Variants in RSF1 observed in about 807,000 individuals in gnomAD.
RSF1 encodes the protein HBV pX-associated protein 8.
Under a neutral mutation model 145.2 loss-of-function variants are expected in RSF1, and 13 were observed. The ratio of observed to expected loss-of-function variants is 0.09; its 90% confidence interval spans 0.06 to 0.14. The LOEUF is 0.14. Ranked by LOEUF, RSF1 falls within the 10% of genes least tolerant of loss-of-function variation. The pLI is 1.00. For synonymous variants in RSF1, 577 were observed against 592.6 expected, an observed-to-expected ratio of 0.97 and a Z score of 0.38; for missense variants, 1,517 against 1,718.2, an observed-to-expected ratio of 0.88 and a Z score of 2.07.
chr11:77,730,673 A>G (rs186798851), intron 4 of RSF1, among the ~76,000 whole-genome samples: 1 of 152,198 alleles, frequency 6.6e-6, no homozygotes, highest in Non-Finnish European at 1.5e-5. Context: ...GGAGGAACCC[A>G]GTGGGAGGTG....
intron 2 of RSF1, among the ~76,000 whole-genome samples, chr11:77,753,372 T>C (rs1226651237): frequency 1.3e-5 from 2 of 152,196 alleles, no homozygotes; most frequent in African/African-American, 4.8e-5. Context: ...GCTTAAACTT[T>C]GGGAGACATT....
At chr11:77,767,684 A>C (rs890610168) in intron 1 of RSF1, among the ~76,000 whole-genome samples, 1 of 152,176 alleles carries the variant, frequency 6.6e-6, no homozygotes, top group Non-Finnish European at 1.5e-5. Flanking sequence ...ACAAGTCCCG[A>C]AAGTCTCCGT....
At chr11:77,710,903 C>T (rs757513743) in intron 5 of RSF1, among the ~76,000 whole-genome samples, 7 of 152,106 alleles carry the variant, frequency 4.6e-5, no homozygotes, top group Non-Finnish European at 1.0e-4. Flanking sequence ...TTGATAACTT[C>T]CTTACTACCT....
intron 14 of RSF1, among the ~76,000 whole-genome samples, chr11:77,673,382 C>T (rs1959606654): frequency 6.6e-6 from 1 of 152,172 alleles, no homozygotes; most frequent in Admixed American, 6.5e-5. Flanking sequence ...TGTTAAATTC[C>T]ACCGAAGTAC....
chr11:77,675,383 TG>T (rs1031234124), intron 13 of RSF1, 127 bp from the exon 14 acceptor site: 1 of 666,656 alleles, frequency 1.5e-6, no homozygotes, highest in African/African-American at 1.8e-5. Flanking sequence ...TCTGGATAAT[TG>T]TATCAAATGC....
At chr11:77,794,615 G>A (rs1948553846) in intron 1 of RSF1, among the ~76,000 whole-genome samples, 1 of 151,946 alleles carries the variant, frequency 6.6e-6, no homozygotes, top group African/African-American at 2.4e-5. Flanking sequence ...GAAGTAAGAT[G>A]GAGGTCAAAA....
At chr11:77,793,539 A>T (rs1948541929) in intron 1 of RSF1, among the ~76,000 whole-genome samples, 1 of 152,216 alleles carries the variant, frequency 6.6e-6, no homozygotes, top group Non-Finnish European at 1.5e-5. Context: ...TAGAAAAAAC[A>T]CTTCACCAGT....
chr11:77,835,122 C>G, the RSF1 span, among the ~76,000 whole-genome samples: 7 of 152,292 alleles, frequency 4.6e-5, no homozygotes, highest in South Asian at 6.2e-4. Flanking sequence ...ATAGATCTAG[C>G]ATTGTTTGCA....
intron 9 of RSF1, 55 bp from the exon 10 acceptor site, chr11:77,685,214 T>A (rs1012220896): frequency 9.6e-7 from 1 of 1,046,612 alleles, no homozygotes; most frequent in African/African-American, 1.6e-5. Flanking sequence ...AAAACTGTTA[T>A]GTAAACATCA....
chr11:77,702,051 T>A lies in RSF1; in HGVS notation c.1178A>T (p.Asp393Val). ...TCCCTTGACTGGACTGTCAAAATCA[T>A]CACTCAGTTTAATTTCTCGTTTTTT... is the stretch of plus-strand genomic sequence containing the variant. ...PLKKREIKLS[D>V]DFDSPVKGPL... Residue 393 changes from aspartate to valine, a missense_variant, in exon 6 of 16, where the codon GAT (aspartate) becomes GTT (valine). Transcript: ENST00000308488. 1 of 1,613,330 alleles carries A rather than the reference T, an allele frequency of 6.2e-7. No homozygotes were observed. Among genetic ancestry groups the A allele is most frequent in the Non-Finnish European group, 8.5e-7 (1 of 1,179,836 alleles).
At position 77,818,180 on chromosome 11, in the gene RSF1, G is replaced by C. The variant is rs117197248; in HGVS notation, c.187+2348C>G. ...TACCTGTCATTTTTACTTACTTAGT[G>C]AACCACTATTCAATTCAACTGACTC... is the stretch of plus-strand genomic sequence containing the variant. On this transcript the variant is annotated intron_variant, in intron 1 of 15. Transcript: ENST00000308488. Among the ~76,000 whole-genome samples the C allele has an allele frequency of 4.5e-4, 68 of 152,190 alleles. No homozygotes were observed. In the East Asian group the frequency reaches 0.013, roughly 28 times the overall value.
chr11:77,678,014 T>C (rs1407223475), intron 12 of RSF1, 72 bp downstream of exon 12: 3 of 963,710 alleles, frequency 3.1e-6, no homozygotes, highest in East Asian at 2.4e-5. Flanking sequence ...ATATGCTCAC[T>C]GCCCTAATTT....
chr11:77,702,434 A>G lies in RSF1; in HGVS notation c.795T>C (p.Arg265=), dbSNP rs757753152. ...TCTCTTCTAGAACATTGGCTGTAGA[A>G]CGGTTTTCTAAATCCATAGGCTGCT... ...SEEQPMDLEN[R]STANVLEETT... The change falls in exon 6 of 16, where the codon CGT becomes CGC. Residue 265 remains arginine, a synonymous_variant. Transcript: ENST00000308488. 3.2e-6 allele frequency: 5 copies of G among 1,581,562 alleles called. No individual in the cohort carries two copies. In the Admixed American group the frequency reaches 1.0e-4, roughly 32 times the overall value.
Position 77,700,921 on chromosome 11 carries a change from T to C in RSF1, c.2308A>G (p.Asn770Asp). Reference sequence around the variant, plus strand: ...GATCTTCTTAAAGTACGACCCACATTTGTTTTCTCCTCTTCCTTTTCTGTC... The same window carrying C: ...GATCTTCTTAAAGTACGACCCACATCTGTTTTCTCCTCTTCCTTTTCTGTC... The part of the protein sequence containing the change: ...EKTEKEEEKT[N>D]VGRTLRRSPR... Residue 770 changes from asparagine (N) to aspartate (D), a missense_variant, in exon 6 of 16, where the codon AAT becomes GAT. Asn to Asp is a conservative substitution (Grantham distance 23). Around this residue, in one of 12 missense-constraint regions of RSF1, gnomAD observed 579 missense variants for 553.5 expected, o/e 1.05. Coordinates refer to ENST00000308488, the MANE Select transcript of RSF1 (RefSeq NM_016578.4). The C allele has an allele frequency of 1.9e-6, 3 of 1,613,630 alleles. No individual in the cohort carries two copies. Among genetic ancestry groups the C allele is most frequent in the South Asian group, 2.2e-5 (2 of 91,042 alleles).
chr11:77,772,376 G>A (rs1247116543), intron 1 of RSF1, among the ~76,000 whole-genome samples: 6 of 152,082 alleles, frequency 3.9e-5, no homozygotes, highest in Admixed American at 3.9e-4. Flanking sequence ...GTCCCACTAT[G>A]TTGGCCAGGC....
upstream of RSF1, among the ~76,000 whole-genome samples, chr11:77,824,739 AG>A (rs1375441633): frequency 1.3e-5 from 2 of 152,208 alleles, no homozygotes; most frequent in Admixed American, 1.3e-4. Context: ...AAGGGGCACA[AG>A]GGGACTTTGT....
intron 5 of RSF1, among the ~76,000 whole-genome samples, chr11:77,711,391 C>T (rs1416198029): frequency 6.6e-6 from 1 of 152,102 alleles, no homozygotes. Context: ...TGTATGTGGC[C>T]AGGTGCAGTG....
At chr11:77,689,513 C>T (rs960508856) in intron 9 of RSF1, among the ~76,000 whole-genome samples, 1 of 152,190 alleles carries the variant, frequency 6.6e-6, no homozygotes, top group Admixed American at 6.5e-5. Context: ...TCTTACAAGG[C>T]CTCTCTTGAG....
chr11:77,742,315 C>T (rs2135912490), intron 3 of RSF1, among the ~76,000 whole-genome samples: 1 of 152,102 alleles, frequency 6.6e-6, no homozygotes, highest in African/African-American at 2.4e-5. Flanking sequence ...GAGTTTCATT[C>T]TGTCACCAGG....
Sources: allele counts gnomAD v4.1 joint callset (sites outside exome capture counted in the v4.1 genomes callset), GRCh38; gene constraint gnomAD v4.1.1; regional missense constraint gnomAD v4.1.1; transcripts MANE v1.5; gene names NCBI Gene and HGNC (gene_info 2026-07-23, HGNC 2026-07-21).